Variants in PNPT1 observed in about 807,000 individuals in gnomAD.
PNPT1 encodes the protein polyribonucleotide nucleotidyltransferase 1, also known as polyribonucleotide nucleotidyltransferase 1, mitochondrial.
Under a neutral mutation model 119.5 loss-of-function variants are expected in PNPT1, and 53 were observed. The observed-to-expected ratio is 0.44, with a 90% CI of 0.36 to 0.56. The LOEUF (loss-of-function observed/expected upper bound fraction) is 0.56, where lower values mean the gene tolerates loss of function less well. Among genes scored for constraint, PNPT1 ranks in the 20% least tolerant of loss-of-function variants. The pLI is 0.00. For synonymous variants in PNPT1, 357 were observed against 322.1 expected (o/e 1.11, Z -1.16); for missense variants, 948 against 938.5 (o/e 1.01, Z -0.13).
chr2:55,650,141 CACCTCTACCTCT>C (rs75906141), intron 18 of PNPT1, among the ~76,000 whole-genome samples: 18 of 149,940 alleles, frequency 1.2e-4, no homozygotes, highest in African/African-American at 3.4e-4. Context: ...TCCCTCTCTC[CACCTCTACCTCT>C]ACCTCTACCT....
intron 18 of PNPT1, among the ~76,000 whole-genome samples, chr2:55,650,678 C>T (rs1462100771): frequency 3.3e-5 from 5 of 151,570 alleles, no homozygotes; most frequent in Non-Finnish European, 7.4e-5. Flanking sequence ...TCTGCCCTGC[C>T]GCCCCGTCCG....
At chr2:55,680,967 A>T (rs1357794523) in intron 5 of PNPT1, 49 bp from the exon 6 acceptor site, 1 of 1,456,388 alleles carries the variant, frequency 6.9e-7, no homozygotes, top group African/African-American at 1.4e-5. Flanking sequence ...ATTTAGGTTA[A>T]CATCCTGACC....
chr2:55,638,210 G>A (rs1242272120), intron 26 of PNPT1, among the ~76,000 whole-genome samples: 5 of 151,536 alleles, frequency 3.3e-5, no homozygotes, highest in African/African-American at 1.2e-4. Context: ...GCTGAGGCAG[G>A]AGAATTGCCT....
At chr2:55,637,645 T>C in intron 26 of PNPT1, 46 bp from the exon 27 acceptor site, 1 of 1,429,100 alleles carries the variant, frequency 7.0e-7, no homozygotes. Context: ...CATAATTATG[T>C]AGTGTCCATG....
intron 5 of PNPT1, among the ~76,000 whole-genome samples, chr2:55,681,829 A>T (rs1697257552): frequency 8.3e-6 from 1 of 119,872 alleles, no homozygotes; most frequent in Non-Finnish European, 1.7e-5. Context: ...GGGCAACAAG[A>T]GTGAAACTCC....
Position 55,693,746 on chromosome 2 carries a change from C to A in PNPT1, c.78G>T (p.Arg26=). 6.2e-7 allele frequency: 1 copy of A among 1,614,186 alleles called. No individual in the cohort carries two copies. Among genetic ancestry groups the A allele is most frequent in the East Asian group, 2.2e-5 (1 of 44,886 alleles). ...LSDGPFLLPR[R]DRALTQLQVR... ...CTTGCAACTGGGTGAGTGCCCGATC[C>A]CGCCGTGGCAGAAGGAAAGGACCAT... Residue 26 remains arginine (R), a synonymous_variant, in exon 1 of 28, where the codon CGG becomes CGT. Transcript: ENST00000447944.
At chr2:55,662,125 A>G (rs1696598024) in intron 13 of PNPT1, 99 bp from the exon 14 acceptor site, 3 of 1,008,778 alleles carry the variant, frequency 3.0e-6, no homozygotes, top group South Asian at 2.1e-5. Flanking sequence ...AAAAAATGAG[A>G]TAAGTACATC....
chr2:55,688,315 C>T (rs1481271554), intron 1 of PNPT1, among the ~76,000 whole-genome samples: 1 of 152,094 alleles, frequency 6.6e-6, no homozygotes, highest in Non-Finnish European at 1.5e-5. Context: ...GCTGGGATTA[C>T]AGGTATGAGC....
intron 25 of PNPT1, among the ~76,000 whole-genome samples, 182 bp downstream of exon 25, chr2:55,642,976 C>T (rs966083251): frequency 6.6e-6 from 1 of 152,044 alleles, no homozygotes; most frequent in African/African-American, 2.4e-5. Flanking sequence ...AAATCAGCCA[C>T]GTGTGGTGGT....
chr2:55,666,838 C>T (rs1696746516), intron 13 of PNPT1, among the ~76,000 whole-genome samples, 153 bp downstream of exon 13: 1 of 152,120 alleles, frequency 6.6e-6, no homozygotes, highest in African/African-American at 2.4e-5. Flanking sequence ...AAGAACCTGT[C>T]TCAAACAAAA....
chr2:55,667,704 T>C (rs1696779071), intron 12 of PNPT1, among the ~76,000 whole-genome samples, 158 bp downstream of exon 12: 1 of 152,208 alleles, frequency 6.6e-6, no homozygotes, highest in Non-Finnish European at 1.5e-5. Context: ...ACATATCATG[T>C]ACTTTTTCTT....
intron 11 of PNPT1, among the ~76,000 whole-genome samples, chr2:55,670,181 T>TTTTA (rs903233705): frequency 6.6e-6 from 1 of 151,856 alleles, no homozygotes; most frequent in Non-Finnish European, 1.5e-5. Flanking sequence ...TTACTATTAT[T>TTTTA]TTTATTTATT....
intron 13 of PNPT1, 107 bp downstream of exon 13, chr2:55,666,879 TAAATA>T (rs1696747740): frequency 4.8e-6 from 3 of 626,740 alleles, no homozygotes; most frequent in Non-Finnish European, 5.1e-6. Flanking sequence ...TTAATTTAAA[TAAATA>T]ATATACACCA....
At chr2:55,669,407 A>T (rs1696836497) in intron 11 of PNPT1, among the ~76,000 whole-genome samples, 1 of 152,224 alleles carries the variant, frequency 6.6e-6, no homozygotes, top group Non-Finnish European at 1.5e-5. Context: ...TATTAAACAT[A>T]ACTTCAAAGT....
rs1251564490 is a variant in PNPT1, at chr2:55,635,151, G to C, written c.*1086C>G. 6.6e-6 allele frequency: 1 copy of C among 152,150 alleles called. No individual in the cohort carries two copies. Among genetic ancestry groups the C allele is most frequent in the African/African-American group, 2.4e-5 (1 of 41,420 alleles). 9.4% of individuals were successfully genotyped at this position (152,150 alleles called of 1,614,324 possible). On this transcript the variant is annotated 3_prime_UTR_variant, in exon 28 of 28. Transcript: ENST00000447944. ...GGAATTATAAGGTGATATTTTAAAT[G>C]ATGGGAATGAACAACTTGACATGTG...
At chr2:55,655,872 T>C (rs1490096211) in intron 17 of PNPT1, among the ~76,000 whole-genome samples, 1 of 152,220 alleles carries the variant, frequency 6.6e-6, no homozygotes, top group Non-Finnish European at 1.5e-5. Context: ...GTGGTTTGTT[T>C]GTAAAAATAA....
intron 1 of PNPT1, among the ~76,000 whole-genome samples, chr2:55,689,624 A>G (rs532156161): frequency 1.3e-4 from 20 of 152,360 alleles, no homozygotes; most frequent in African/African-American, 4.6e-4. Context: ...CTATGTTTCC[A>G]TGTAAGAAAT....
intron 27 of PNPT1, among the ~76,000 whole-genome samples, 155 bp from the exon 28 acceptor site, chr2:55,636,547 T>G (rs1268492830): frequency 6.6e-6 from 1 of 152,216 alleles, no homozygotes; most frequent in Non-Finnish European, 1.5e-5. Context: ...CGTATACACT[T>G]AACACATATA....
intron 22 of PNPT1, 91 bp downstream of exon 22, chr2:55,645,258 T>A: frequency 1.3e-6 from 1 of 783,200 alleles, no homozygotes; most frequent in Non-Finnish European, 2.1e-6. Context: ...TCTCCTGACC[T>A]TGTGATCCGC....
Sources: allele counts gnomAD v4.1 joint callset (sites outside exome capture counted in the v4.1 genomes callset), GRCh38; gene constraint gnomAD v4.1.1; transcripts MANE v1.5; gene names NCBI Gene and HGNC (gene_info 2026-07-23, HGNC 2026-07-21).